Variants in PLXNB2 observed in about 807,000 individuals in gnomAD.
PLXNB2 encodes plexin-B2.
A neutral mutation model predicts 202.6 loss-of-function variants in PLXNB2; 85 were observed. The ratio of observed to expected loss-of-function variants is 0.42; its 90% confidence interval spans 0.35 to 0.50. The LOEUF (loss-of-function observed/expected upper bound fraction) is 0.50, where lower values mean the gene tolerates loss of function less well. PLXNB2 is among the 20% of genes least tolerant of loss of function. PLXNB2 has a pLI of 0.02. For missense variants in PLXNB2, 2,063 were observed against 2,586.2 expected (o/e 0.80, Z 4.39); for synonymous variants, 1,239 against 1,137.6 (o/e 1.09, Z -1.79).
intron 1 of PLXNB2, chr22:50,300,450 G>C (rs2067612462): frequency 2.6e-6 from 1 of 390,894 alleles, no homozygotes; most frequent in Admixed American, 6.4e-5. Context: ...ACCCTGCCCG[G>C]AGCAGCCTCC....
chr22:50,285,988 A>G lies in PLXNB2; in HGVS notation c.1986+2T>C. On this transcript the variant is annotated splice_donor_variant, in intron 10 of 36. Coordinates refer to ENST00000359337, the MANE Select transcript of PLXNB2 (RefSeq NM_012401.4). LOFTEE classifies it high-confidence loss of function. ...GTCCCCTGAGGCCCCGAGGCCCCTC[A>G]CCATGTGGGCACGGACGATGCCGTC... 6.2e-7 allele frequency: 1 copy of G among 1,612,060 alleles called. No homozygotes were observed. The highest frequency in any genetic ancestry group is 8.5e-7 in the Non-Finnish European group (1 of 1,179,500).
rs549095175 is a variant in PLXNB2 at position 50,280,600 on chromosome 22, G to A, written c.4064C>T (p.Thr1355Met). 1.9e-5 allele frequency: 30 copies of A among 1,612,608 alleles called. No homozygotes were observed. The highest frequency in any genetic ancestry group is 8.3e-5 in the Admixed American group (5 of 60,026). The part of the protein sequence containing the change: ...RAKVYFASLL[T>M]VALHGKLEYY... Reference sequence around the variant, plus strand: ...CTCCAGTTTCCCGTGCAGCGCCACCGTCAGCAGGGACGCGAAGTAGACCTT... The same window carrying A: ...CTCCAGTTTCCCGTGCAGCGCCACCATCAGCAGGGACGCGAAGTAGACCTT... Residue 1355 changes from threonine (T) to methionine (M), a missense_variant, in exon 25 of 37, where the codon ACG becomes ATG. Physicochemically the swap from Thr to Met is moderately conservative, Grantham distance 81. Coordinates refer to ENST00000359337, the MANE Select transcript of PLXNB2 (RefSeq NM_012401.4).
chr22:50,296,511 C>T (rs947786523), intron 1 of PLXNB2, among the ~76,000 whole-genome samples: 33 of 136,276 alleles, frequency 2.4e-4, no homozygotes, highest in African/African-American at 5.3e-4. Flanking sequence ...GAGGCTGAGG[C>T]GGGCGGATCA....
intron 1 of PLXNB2, among the ~76,000 whole-genome samples, chr22:50,304,680 C>T (rs1399030040): frequency 6.6e-6 from 1 of 152,082 alleles, no homozygotes; most frequent in Non-Finnish European, 1.5e-5. Flanking sequence ...TCTGACCCAC[C>T]CTCCCCATCG....
rs764874526 is a variant in PLXNB2, at chr22:50,281,855, C to T, written c.3344G>A (p.Arg1115Gln). The change falls in exon 20 of 37, where the codon CGG becomes CAG. Residue 1115 changes from arginine to glutamine, a missense_variant and splice_region_variant. Arg to Gln is a conservative substitution (Grantham distance 43, BLOSUM62 1). Around this residue, in one of 2 missense-constraint regions of PLXNB2, gnomAD observed 760 missense variants for 1,109.4 expected, o/e 0.69. Coordinates refer to ENST00000359337, the MANE Select transcript of PLXNB2 (RefSeq NM_012401.4). Reference sequence around the variant, plus strand: ...CACCCGGGGCTGCACCGTCCTCACCCGGGCGTGGATGAGCTTGTTGACCTG... The same window carrying T: ...CACCCGGGGCTGCACCGTCCTCACCTGGGCGTGGATGAGCTTGTTGACCTG... ...KKQVNKLIHARGTNLNKAMTL... is the reference protein window; with the variant it reads ...KKQVNKLIHAQGTNLNKAMTL... The T allele has an allele frequency of 5.6e-6, 9 of 1,611,480 alleles. No homozygotes were observed. The highest frequency in any genetic ancestry group is 2.7e-5 in the African/African-American group (2 of 74,896).
chr22:50,286,881 C>G (rs2066494701), intron 8 of PLXNB2, among the ~76,000 whole-genome samples: 1 of 152,192 alleles, frequency 6.6e-6, no homozygotes, highest in Non-Finnish European at 1.5e-5. Context: ...AGACAAGTCA[C>G]CTTTGCTACA....
chr22:50,292,282 G>A (rs1190763097), intron 2 of PLXNB2, among the ~76,000 whole-genome samples: 6 of 145,416 alleles, frequency 4.1e-5, no homozygotes, highest in Non-Finnish European at 8.9e-5. Context: ...AGGTTGCAGC[G>A]AGCCAAGATT....
rs558854945 is a variant in PLXNB2 at position 50,305,875 on chromosome 22, T to TG, written c.-74+1677dup. Among the ~76,000 whole-genome samples the TG allele has an allele frequency of 4.4e-3, 667 of 152,296 alleles. 4 individuals are homozygous for TG. The highest frequency in any genetic ancestry group is 0.015 in the African/African-American group (636 of 41,570). On this transcript the variant is annotated intron_variant, in intron 1 of 36. Coordinates refer to ENST00000359337, the MANE Select transcript of PLXNB2 (RefSeq NM_012401.4). ...TTCCATGGTCTCCCCCAGAGGGGCT[T>TG]GGGCCCACTGCAGGCTCAGCAGGGC...
At position 50,289,880 on chromosome 22, in the gene PLXNB2, C is replaced by T; in HGVS notation, c.705G>A (p.Gln235=). The T allele has an allele frequency of 6.2e-7, 1 of 1,613,248 alleles. No individual in the cohort carries two copies. Residue 235 remains glutamine, a synonymous_variant, in exon 3 of 37, where the codon CAG becomes CAA. Coordinates refer to ENST00000359337, the MANE Select transcript of PLXNB2 (RefSeq NM_012401.4). This position sits in a 1 kb window ranked among gnomAD's most constrained non-coding sequence, Gnocchi z 8.0. ...TGCGGTTCCGGGCCGGGTGCTTGTC[C>T]TGCTGGTTGAAGACAAAGAAGACGT... is the stretch of plus-strand genomic sequence containing the variant. ...GPYVFFVFNQ[Q]DKHPARNRTL...
chr22:50,285,457 AC>A (rs1198161322), intron 11 of PLXNB2, among the ~76,000 whole-genome samples: 1 of 28,394 alleles, frequency 3.5e-5, no homozygotes. Context: ...ACCAACCGGC[AC>A]CCCCTCCCTC....
In PLXNB2 at chr22:50,304,377, C is replaced by T. The variant is rs953769676; in HGVS notation, c.-74+3176G>A. 3.3e-5 allele frequency among the ~76,000 whole-genome samples: 5 copies of T among 152,282 alleles called. No homozygotes were observed. The South Asian group carries it at 6.2e-4, about 19-fold the overall frequency. On this transcript the variant is annotated intron_variant, in intron 1 of 36. Coordinates refer to ENST00000359337, the MANE Select transcript of PLXNB2 (RefSeq NM_012401.4). The stretch of plus-strand genomic sequence containing the variant: ...GAGGGGCCCAGCCAATCCCTTCACA[C>T]GCTTGGTCTTCAGAGAGAAGGCTTC...
At chr22:50,300,151 G>C (rs553530888) in intron 1 of PLXNB2, 5 of 556,922 alleles carry the variant, frequency 9.0e-6, no homozygotes, top group Admixed American at 6.3e-5. Flanking sequence ...GGCCGCCTCT[G>C]GGACAAACCT....
intron 27 of PLXNB2, 55 bp downstream of exon 27, chr22:50,279,575 A>G: frequency 6.4e-7 from 1 of 1,570,626 alleles, no homozygotes; most frequent in Non-Finnish European, 8.7e-7. Flanking sequence ...GGGATGCCCA[A>G]GCTCCTTAGC....
At chr22:50,307,200 C>T (rs966524608) in intron 1 of PLXNB2, among the ~76,000 whole-genome samples, 2 of 152,138 alleles carry the variant, frequency 1.3e-5, no homozygotes, top group African/African-American at 2.4e-5. Flanking sequence ...GGGGCCGGCC[C>T]GGAGCGCCCG....
intron 1 of PLXNB2, among the ~76,000 whole-genome samples, chr22:50,304,797 T>C (rs1811306247): frequency 6.9e-6 from 1 of 145,708 alleles, no homozygotes; most frequent in Non-Finnish European, 1.5e-5. Flanking sequence ...CCAGCCCTAC[T>C]GAATCTCCCA....
intron 19 of PLXNB2, 48 bp downstream of exon 19, chr22:50,282,136 C>A: frequency 6.2e-7 from 1 of 1,603,718 alleles, no homozygotes; most frequent in Non-Finnish European, 8.5e-7. Context: ...CCTTCCTGGG[C>A]ACGATCCCAT....
intron 27 of PLXNB2, 26 bp from the exon 28 acceptor site, chr22:50,279,037 C>A: frequency 6.3e-7 from 1 of 1,582,400 alleles, no homozygotes; most frequent in Non-Finnish European, 8.6e-7. Flanking sequence ...GGATGAAGCC[C>A]AGTGGGAGGC....
Position 50,282,289 on chromosome 22 carries a change from C to T in PLXNB2, c.3012G>A (p.Thr1004=), listed in dbSNP as rs1397156243. ...TCTGGATCAGGCTGAAGCCCTGACCCGTGACGTTGATGCTGCGGCCACCAC... is the reference window on the plus strand; with the variant it reads ...TCTGGATCAGGCTGAAGCCCTGACCTGTGACGTTGATGCTGCGGCCACCAC... ...FASGGRSINV[T]GQGFSLIQRF... The change falls in exon 19 of 37, where the codon ACG becomes ACA. Residue 1004 remains threonine (T), a synonymous_variant. Transcript: ENST00000359337. 16 of 1,611,294 alleles carry T rather than the reference C, an allele frequency of 9.9e-6. No individual in the cohort carries two copies. The highest frequency in any genetic ancestry group is 2.2e-5 in the East Asian group (1 of 44,834).
rs747712044 is a variant in PLXNB2, at chr22:50,289,052, G to A, written c.1159C>T (p.Arg387Cys). 1.4e-5 allele frequency: 23 copies of A among 1,607,974 alleles called. No individual in the cohort carries two copies. The highest frequency in any genetic ancestry group is 4.4e-5 in the South Asian group (4 of 90,974). The change falls in exon 4 of 37, where the codon CGT (arginine) becomes TGT (cysteine). Residue 387 changes from arginine to cysteine, a missense_variant. Transcript: ENST00000359337. This position sits in a 1 kb window ranked among gnomAD's most constrained non-coding sequence, Gnocchi z 8.0. ...DGLRGTAVLQ[R>C]GGLNLTAVTV... ...ACGGCCGTGAGGTTCAGGCCTCCAC[G>A]CTGCAGCACGGCTGTGCCTCTGAGC...
Sources: allele counts gnomAD v4.1 joint callset (sites outside exome capture counted in the v4.1 genomes callset), GRCh38; gene constraint gnomAD v4.1.1; regional missense constraint gnomAD v4.1.1; non-coding constraint Gnocchi (gnomAD v3.1); transcripts MANE v1.5; gene names NCBI Gene and HGNC (gene_info 2026-07-23, HGNC 2026-07-21).